The following PCDH11X variants were observed in gnomAD, a reference collection of about 807,000 sequenced individuals.
PCDH11X encodes the protein protocadherin-11 X-linked.
In PCDH11X, 18 loss-of-function variants were observed where a neutral mutation model predicts 53.3. The observed-to-expected ratio is 0.34, with a 90% CI of 0.23 to 0.50. PCDH11X has a LOEUF of 0.50. Ranked by LOEUF, PCDH11X falls within the 20% of genes least tolerant of loss-of-function variation. The probability of loss-of-function intolerance (pLI) is 0.98; values close to 1 mark genes in which losing one functional copy is unlikely to be tolerated. For synonymous variants in PCDH11X, 279 were observed against 393.3 expected (o/e 0.71, Z 3.44); for missense variants, 570 against 1,032.4 (o/e 0.55, Z 6.14).
intron 8 of PCDH11X, among the ~76,000 whole-genome samples, chrX:92,325,880 G>A (rs2069318202): frequency 9.0e-6 from 1 of 111,198 alleles, no homozygotes; most frequent in East Asian, 2.8e-4. Flanking sequence ...ATTTCTCTCT[G>A]TAGTCAAGTG....
intron 7 of PCDH11X, among the ~76,000 whole-genome samples, chrX:92,213,250 C>T (rs1242366665): frequency 1.8e-5 from 2 of 111,914 alleles, no homozygotes; most frequent in Non-Finnish European, 3.8e-5. Context: ...TTGTCATTGA[C>T]CTTTAGCCGT....
At chrX:92,316,115 G>A (rs1460619191) in intron 8 of PCDH11X, among the ~76,000 whole-genome samples, 1 of 100,422 alleles carries the variant, frequency 1.0e-5, no homozygotes, top group Non-Finnish European at 2.0e-5. Context: ...TCTTTGTGCC[G>A]GCAATTGTGC....
intron 5 of PCDH11X, among the ~76,000 whole-genome samples, chrX:91,857,185 C>T (rs984881755): frequency 3.6e-5 from 4 of 111,121 alleles, no homozygotes; most frequent in African/African-American, 9.9e-5. Flanking sequence ...CAAGAGAGAG[C>T]GTGTGCAGGG....
chrX:92,249,537 G>C (rs1295537783), intron 7 of PCDH11X, among the ~76,000 whole-genome samples: 4 of 112,446 alleles, frequency 3.6e-5, no homozygotes, highest in African/African-American at 9.7e-5. Flanking sequence ...TACTAACATA[G>C]TAAAGAATGT....
At chrX:91,936,895 A>C (rs1239146564) in intron 6 of PCDH11X, among the ~76,000 whole-genome samples, 2 of 106,838 alleles carry the variant, frequency 1.9e-5, no homozygotes, top group Non-Finnish European at 3.9e-5. Context: ...ATTTACTATT[A>C]ATTTAATAAT....
intron 7 of PCDH11X, among the ~76,000 whole-genome samples, chrX:92,255,874 C>T: frequency 8.9e-6 from 1 of 112,531 alleles, no homozygotes; most frequent in East Asian, 2.9e-4. Context: ...GCAGAGGTTA[C>T]TGCTGTCTTT....
At chrX:92,335,170 A>G (rs2069588515) in intron 8 of PCDH11X, among the ~76,000 whole-genome samples, 1 of 104,806 alleles carries the variant, frequency 9.5e-6, no homozygotes, top group Non-Finnish European at 1.9e-5. Flanking sequence ...CCAACATTGG[A>G]TGCATGGAAC....
chrX:92,100,305 AC>A (rs1287756227), intron 6 of PCDH11X, among the ~76,000 whole-genome samples: 1 of 111,115 alleles, frequency 9.0e-6, no homozygotes, highest in African/African-American at 3.3e-5. Context: ...TGTTTATTTC[AC>A]CTGGGTGCAG....
chrX:92,156,290 G>T (rs759042882), intron 6 of PCDH11X, among the ~76,000 whole-genome samples: 220 of 109,688 alleles, frequency 2.0e-3, no homozygotes, highest in African/African-American at 7.2e-3. Flanking sequence ...TCTTGAAGCT[G>T]CTGGGTGTGC....
At chrX:92,412,609 C>T (rs2071713784) in intron 9 of PCDH11X, among the ~76,000 whole-genome samples, 1 of 98,610 alleles carries the variant, frequency 1.0e-5, no homozygotes, top group East Asian at 3.0e-4. Flanking sequence ...TATAAACCAG[C>T]ATACCCACAC....
intron 9 of PCDH11X, among the ~76,000 whole-genome samples, chrX:92,461,683 G>T (rs977435298): frequency 2.7e-5 from 3 of 111,326 alleles, no homozygotes; most frequent in Non-Finnish European, 5.7e-5. Context: ...AGAGGCACAA[G>T]CAATCAAACC....
At chrX:92,591,311 C>G (rs1376115626) in intron 10 of PCDH11X, among the ~76,000 whole-genome samples, 1 of 111,525 alleles carries the variant, frequency 9.0e-6, no homozygotes, top group Non-Finnish European at 1.9e-5. Context: ...ACCAATCAGT[C>G]TTCTGGCTCC....
At chrX:92,137,854 A>T (rs1427764542) in intron 6 of PCDH11X, among the ~76,000 whole-genome samples, 5 of 110,166 alleles carry the variant, frequency 4.5e-5, no homozygotes, top group African/African-American at 1.3e-4. Context: ...TTTATTTATT[A>T]ATTTATTTTG....
intron 10 of PCDH11X, among the ~76,000 whole-genome samples, chrX:92,521,586 A>G (rs1207430401): frequency 8.9e-6 from 1 of 112,219 alleles, no homozygotes; most frequent in Admixed American, 9.5e-5. Flanking sequence ...TTCAACTTAA[A>G]GTTGTCAAAT....
intron 6 of PCDH11X, among the ~76,000 whole-genome samples, chrX:92,126,397 G>A (rs1432285674): frequency 9.0e-6 from 1 of 110,999 alleles, no homozygotes; most frequent in Non-Finnish European, 1.9e-5. Context: ...GATCACCTGA[G>A]GTTAGGAGTT....
intron 6 of PCDH11X, chrX:92,113,200 C>T (rs183470794): frequency 3.2e-5 from 37 of 1,151,056 alleles, no homozygotes; most frequent in Admixed American, 7.2e-5. Context: ...CTCAGCCCCC[C>T]GAGATTGAGC....
At chrX:92,257,795 T>C (rs553547054) in intron 7 of PCDH11X, among the ~76,000 whole-genome samples, 1 of 112,567 alleles carries the variant, frequency 8.9e-6, no homozygotes, top group African/African-American at 3.2e-5. Context: ...GTTCAGCCCC[T>C]GAGGCTGTTC....
intron 10 of PCDH11X, among the ~76,000 whole-genome samples, chrX:92,568,212 G>A (rs1223747714): frequency 9.1e-6 from 1 of 109,999 alleles, no homozygotes; most frequent in Non-Finnish European, 1.9e-5. Flanking sequence ...ACTAGGTCAG[G>A]AGATCGAGAC....
intron 1 of PCDH11X, among the ~76,000 whole-genome samples, chrX:91,800,617 T>C (rs988689314): frequency 8.9e-6 from 1 of 111,805 alleles, no homozygotes; most frequent in Non-Finnish European, 1.9e-5. Flanking sequence ...TGATTTTCTA[T>C]GTCTAACTTA....
Sources: gnomAD v4.1 joint callset for allele counts (sites outside exome capture counted in the v4.1 genomes callset) on GRCh38, gnomAD v4.1.1 for gene constraint, MANE v1.5 for transcripts, NCBI Gene and HGNC (gene_info 2026-07-23, HGNC 2026-07-21) for gene names.